ZFAT: variants seen among roughly 807,000 people sequenced by gnomAD.
ZFAT encodes the protein zinc finger protein ZFAT.
Under a neutral mutation model 117.7 loss-of-function variants are expected in ZFAT, and 64 were observed. The ratio of observed to expected loss-of-function variants is 0.54; its 90% CI spans 0.44 to 0.67. The LOEUF (loss-of-function observed/expected upper bound fraction) is 0.67. Ranked by LOEUF, ZFAT falls within the 30% of genes least tolerant of loss-of-function variation. The pLI, the probability that ZFAT is intolerant of heterozygous loss-of-function variation, is 0.00. For missense variants in ZFAT, 1,433 were observed against 1,584.5 expected (o/e 0.90, Z 1.62); for synonymous variants, 679 against 615.0 (o/e 1.10, Z -1.54).
Position 134,679,159 on chromosome 8 carries a change from G to A in ZFAT, c.20-21422C>T, listed in dbSNP as rs146611171. 9.4e-3 allele frequency among the ~76,000 whole-genome samples: 1,426 copies of A among 152,058 alleles called. 22 individuals are homozygous for A. The highest frequency in any genetic ancestry group is 0.032 in the African/African-American group (1,335 of 41,490). ...CATCAGAGTCAACAGGCAACCTACC[G>A]AATAGGAGAAAATTTTTTCAATCTA... On this transcript the variant is annotated intron_variant, in intron 1 of 15. Transcript: ENST00000377838.
intron 13 of ZFAT, among the ~76,000 whole-genome samples, chr8:134,519,438 A>G (rs1820484739): frequency 1.3e-5 from 2 of 152,190 alleles, no homozygotes; most frequent in African/African-American, 4.8e-5. Flanking sequence ...GTATGTATAT[A>G]TGTGTGCATA....
At chr8:134,554,656 G>A (rs1006861795) in intron 11 of ZFAT, among the ~76,000 whole-genome samples, 7 of 152,216 alleles carry the variant, frequency 4.6e-5, no homozygotes. Flanking sequence ...AGGCAGGAGA[G>A]AGATGCCTAA....
In ZFAT at chr8:134,506,257, A is replaced by T. The variant is rs981767978; in HGVS notation, c.3492+3362T>A. 2.0e-5 allele frequency among the ~76,000 whole-genome samples: 3 copies of T among 152,154 alleles called. No homozygotes were observed. The South Asian group carries it at 6.2e-4, about 31-fold the overall frequency. On this transcript the variant is annotated intron_variant, in intron 15 of 15. Transcript: ENST00000377838. ...AAAGTAATCACCTTATTTAATGAAA[A>T]CTGTCAGGTTTAACAAACACACATT...
In ZFAT at chr8:134,601,682, A is replaced by C. The variant is rs1446526798; in HGVS notation, c.2037T>G (p.Ala679=). ...DPSRCLRSNP[A]EASDLLPPVA... ...CTGGAGGGAGGAGGTCTGAGGCCTC[A>C]GCTGGGTTTGACCTGAGACACCTGC... Residue 679 remains alanine, a synonymous_variant, in exon 6 of 16, where the codon GCT becomes GCG. Transcript: ENST00000377838. 1 of 1,614,052 alleles carries C rather than the reference A, an allele frequency of 6.2e-7. No individual in the cohort carries two copies. Among genetic ancestry groups the C allele is most frequent in the Non-Finnish European group, 8.5e-7 (1 of 1,179,964 alleles).
At chr8:134,808,196 G>A in the ZFAT span, among the ~76,000 whole-genome samples, 1 of 152,186 alleles carries the variant, frequency 6.6e-6, no homozygotes. Flanking sequence ...AGAAACGTAT[G>A]TAGTATGTGT....
chr8:134,693,273 G>T lies in ZFAT; in HGVS notation c.19+19572C>A, dbSNP rs113081432. Among the ~76,000 whole-genome samples, 230 of 152,184 alleles carry T rather than the reference G, an allele frequency of 1.5e-3. 1 individual carries two copies. The highest frequency in any genetic ancestry group is 5.3e-3 in the African/African-American group (222 of 41,534). On this transcript the variant is annotated intron_variant, in intron 1 of 15. Coordinates refer to ENST00000377838, the MANE Select transcript of ZFAT (RefSeq NM_020863.4). ...AATGAGCCCAGAATCTCTTGTACCAGAAGTAAGGAAGTCCTCACAAAAGCG... is the reference window on the plus strand; with the variant it reads ...AATGAGCCCAGAATCTCTTGTACCATAAGTAAGGAAGTCCTCACAAAAGCG...
At chr8:134,706,771 C>T (rs1834162647) in intron 1 of ZFAT, among the ~76,000 whole-genome samples, 1 of 151,676 alleles carries the variant, frequency 6.6e-6, no homozygotes, top group South Asian at 2.1e-4. Flanking sequence ...CAAGAGAAAA[C>T]TTTCTGGGCT....
chr8:134,575,814 T>G lies in ZFAT; in HGVS notation c.2887+8018A>C, dbSNP rs563113432. On this transcript the variant is annotated intron_variant, in intron 10 of 15. Transcript: ENST00000377838. ...AGCATAACAGGCATTTTGCAGCAAG[T>G]GTTTTGCAAAGCACACATCTTCACA... Among the ~76,000 whole-genome samples, 136 of 152,362 alleles carry G rather than the reference T, an allele frequency of 8.9e-4. 1 individual carries two copies. Among genetic ancestry groups the G allele is most frequent in the South Asian group, 8.3e-3 (40 of 4,830 alleles).
At chr8:134,823,145 G>A in the ZFAT span, among the ~76,000 whole-genome samples, 1 of 152,132 alleles carries the variant, frequency 6.6e-6, no homozygotes, top group Non-Finnish European at 1.5e-5. Flanking sequence ...AGGAGAACTA[G>A]TTTCAAATCT....
chr8:134,823,742 T>G, the ZFAT span, among the ~76,000 whole-genome samples: 1 of 152,238 alleles, frequency 6.6e-6, no homozygotes, highest in South Asian at 2.1e-4. Flanking sequence ...CTGTATAGAA[T>G]TATTAAAATG....
chr8:134,652,224 G>A (rs756769183), intron 2 of ZFAT, among the ~76,000 whole-genome samples: 5 of 152,174 alleles, frequency 3.3e-5, no homozygotes, highest in Non-Finnish European at 7.3e-5. Flanking sequence ...CCCAGATCGT[G>A]CCACTGCACT....
At chr8:134,769,291 G>A in the ZFAT span, among the ~76,000 whole-genome samples, 1 of 152,344 alleles carries the variant, frequency 6.6e-6, no homozygotes, top group East Asian at 1.9e-4. Flanking sequence ...TAGATTCAAT[G>A]GGGGTATAGC....
chr8:134,746,999 A>G, the ZFAT span, among the ~76,000 whole-genome samples: 2 of 152,252 alleles, frequency 1.3e-5, no homozygotes, highest in Non-Finnish European at 2.9e-5. Context: ...ACTACTGATT[A>G]TAAACTACCT....
At chr8:134,580,351 C>A (rs996671103) in intron 10 of ZFAT, among the ~76,000 whole-genome samples, 1 of 152,194 alleles carries the variant, frequency 6.6e-6, no homozygotes, top group Non-Finnish European at 1.5e-5. Flanking sequence ...GGCTGTAAGG[C>A]AATCTTGGCT....
chr8:134,590,449 C>A, intron 7 of ZFAT, 94 bp from the exon 8 acceptor site: 1 of 908,224 alleles, frequency 1.1e-6, no homozygotes, highest in South Asian at 1.5e-5. Context: ...CACCCACCAC[C>A]ACCACCACTA....
intron 15 of ZFAT, among the ~76,000 whole-genome samples, chr8:134,491,937 C>T (rs1432148837): frequency 6.6e-6 from 1 of 152,126 alleles, no homozygotes; most frequent in East Asian, 1.9e-4. Flanking sequence ...TATTAAAATA[C>T]TCAATTTTTT....
the ZFAT span, among the ~76,000 whole-genome samples, chr8:134,753,142 AATGAGGT>A: frequency 6.6e-6 from 1 of 152,050 alleles, no homozygotes; most frequent in Non-Finnish European, 1.5e-5. Context: ...TCGAGGTTAC[AATGAGGT>A]GTGATCGCAC....
intron 15 of ZFAT, among the ~76,000 whole-genome samples, chr8:134,502,339 T>A (rs184778526): frequency 2.7e-4 from 41 of 152,326 alleles, no homozygotes; most frequent in African/African-American, 8.9e-4. Context: ...GGGGACCACA[T>A]TACTCAGTGC....
rs1328555717 is a variant in ZFAT, at chr8:134,601,664, G to C, written c.2055C>G (p.Leu685=). The C allele has an allele frequency of 6.2e-7, 1 of 1,614,178 alleles. No individual in the cohort carries two copies. Among genetic ancestry groups the C allele is most frequent in the Admixed American group, 1.7e-5 (1 of 60,030 alleles). The change falls in exon 6 of 16, where the codon CTC becomes CTG. Residue 685 remains leucine (L), a synonymous_variant. Transcript: ENST00000377838. The part of the protein sequence containing the change: ...RSNPAEASDL[L]PPVAGGGDTI... ...TGTCCCCACCACCAGCTACTGGAGG[G>C]AGGAGGTCTGAGGCCTCAGCTGGGT...
Sources: gnomAD v4.1 joint callset for allele counts (sites outside exome capture counted in the v4.1 genomes callset) on GRCh38, gnomAD v4.1.1 for gene constraint, MANE v1.5 for transcripts, NCBI Gene and HGNC (gene_info 2026-07-23, HGNC 2026-07-21) for gene names.